The following RAB27A variants were observed in gnomAD, a reference collection of about 807,000 sequenced individuals.
RAB27A encodes the protein ras-related protein Rab-27A.
RAB27A carries 17 observed loss-of-function variants against 20.8 expected under a neutral mutation model. The ratio of observed to expected loss-of-function variants is 0.82; its 90% CI spans 0.56 to 1.23. The LOEUF (loss-of-function observed/expected upper bound fraction) is 1.23, where lower values mean the gene tolerates loss of function less well. RAB27A is among the 50% of genes most tolerant of loss of function. The probability of loss-of-function intolerance (pLI) is 0.00; values close to 1 mark genes in which losing one functional copy is unlikely to be tolerated. For missense variants in RAB27A, 277 were observed against 266.7 expected (o/e 1.04, Z -0.27); for synonymous variants, 85 against 92.8 (o/e 0.92, Z 0.48).
intron 1 of RAB27A, among the ~76,000 whole-genome samples, chr15:55,316,971 CTACAAACACTAT>C (rs2055048198): frequency 6.6e-6 from 1 of 152,188 alleles, no homozygotes; most frequent in Non-Finnish European, 1.5e-5. Context: ...GTTCACATAT[CTACAAACACTAT>C]TGCAAACACC....
chr15:55,242,545 T>A lies in RAB27A; in HGVS notation c.-22-7589A>T, dbSNP rs542380702. 1.1e-4 allele frequency among the ~76,000 whole-genome samples: 16 copies of A among 152,338 alleles called. No homozygotes were observed. The South Asian group carries it at 2.9e-3, about 28-fold the overall frequency. On this transcript the variant is annotated intron_variant, in intron 2 of 6. Coordinates refer to ENST00000336787, the MANE Select transcript of RAB27A (RefSeq NM_183235.3). ...CTAAGTGTTCAATAATTGAGACTTA[T>A]TAAAAATACTATTATTAATAGTTTC...
intron 2 of RAB27A, chr15:55,259,779 T>C (rs1353888425): frequency 6.6e-6 from 1 of 152,232 alleles, no homozygotes; most frequent in African/African-American, 2.4e-5. Context: ...TGCCCAGTGA[T>C]ATGCAATAAA....
At chr15:55,227,180 A>G (rs1895841499) in intron 5 of RAB27A, among the ~76,000 whole-genome samples, 1 of 152,164 alleles carries the variant, frequency 6.6e-6, no homozygotes, top group African/African-American at 2.4e-5. Context: ...TTTTCACATA[A>G]TTTTGTTCTT....
At chr15:55,288,830 AAAG>A (rs1032915145) in intron 1 of RAB27A, 8 of 152,182 alleles carry the variant, frequency 5.3e-5, no homozygotes, top group Non-Finnish European at 1.0e-4. Context: ...GAAAAAAAAA[AAAG>A]AACAAGAACA....
At chr15:55,262,436 G>T (rs1167382390) in intron 2 of RAB27A, among the ~76,000 whole-genome samples, 1 of 151,524 alleles carries the variant, frequency 6.6e-6, no homozygotes, top group Non-Finnish European at 1.5e-5. Flanking sequence ...CAGGTACTCG[G>T]GAGGCTGAGG....
At chr15:55,217,055 A>G (rs186094092) in intron 6 of RAB27A, among the ~76,000 whole-genome samples, 45 of 152,348 alleles carry the variant, frequency 3.0e-4, no homozygotes, top group Admixed American at 2.6e-3. Context: ...AATATTAACA[A>G]GACATACTTT....
chr15:55,232,309 A>G (rs1236104177), intron 3 of RAB27A, among the ~76,000 whole-genome samples: 1 of 152,256 alleles, frequency 6.6e-6, no homozygotes, highest in East Asian at 1.9e-4. Flanking sequence ...ACATAATTAA[A>G]CAAACAGCAA....
intron 6 of RAB27A, among the ~76,000 whole-genome samples, chr15:55,219,772 GTTTTGTTCTCTTCTCCAAC>G (rs1466851764): frequency 6.6e-6 from 1 of 152,090 alleles, no homozygotes; most frequent in East Asian, 1.9e-4. Context: ...ACAACTTTCT[GTTTTGTTCTCTTCTCCAAC>G]TTCATTGACA....
chr15:55,237,208 C>T (rs138630924), intron 2 of RAB27A: 15 of 152,182 alleles, frequency 9.9e-5, no homozygotes, highest in Non-Finnish European at 1.8e-4. Context: ...TCAGTGCTTC[C>T]TGTAGGACTA....
At chr15:55,219,856 A>G (rs1008033180) in intron 6 of RAB27A, among the ~76,000 whole-genome samples, 6 of 152,298 alleles carry the variant, frequency 3.9e-5, no homozygotes, top group Non-Finnish European at 8.8e-5. Flanking sequence ...TTCCAGGAAA[A>G]TTCAATTGGT....
intron 2 of RAB27A, chr15:55,237,507 C>G (rs1313283391): frequency 1.3e-5 from 2 of 152,158 alleles, no homozygotes; most frequent in Non-Finnish European, 1.5e-5. Context: ...GATGCCTTAC[C>G]TGTCTTTATA....
intron 2 of RAB27A, among the ~76,000 whole-genome samples, chr15:55,301,081 C>T (rs1005055276): frequency 2.6e-5 from 4 of 152,130 alleles, no homozygotes; most frequent in Admixed American, 6.6e-5. Context: ...AAAATGCCAC[C>T]GTGACCTTTC....
At position 55,315,572 on chromosome 15, in the gene RAB27A, C is replaced by T. The variant is rs554806507; in HGVS notation, c.-233-1412G>A. On this transcript the variant is annotated intron_variant, in intron 1 of 5. Transcript: ENST00000563262. The stretch of plus-strand genomic sequence containing the variant: ...AAACAAATTTACAAGAAAAAAACAA[C>T]CCCATCAAAAAGTGAGTGAAGGATA... Among the ~76,000 whole-genome samples, 168 of 152,162 alleles carry T rather than the reference C, an allele frequency of 1.1e-3. 1 individual carries two copies. Among genetic ancestry groups the T allele is most frequent in the African/African-American group, 3.8e-3 (158 of 41,506 alleles).
intron 6 of RAB27A, among the ~76,000 whole-genome samples, chr15:55,213,257 G>A (rs898703886): frequency 6.6e-6 from 1 of 152,160 alleles, no homozygotes; most frequent in Non-Finnish European, 1.5e-5. Flanking sequence ...CTTGAAGAAT[G>A]TTTTTGTTTT....
In RAB27A at chr15:55,262,369, G is replaced by A. The variant is rs184672822; in HGVS notation, c.-23+7796C>T. Among the ~76,000 whole-genome samples the A allele has an allele frequency of 6.1e-4, 92 of 151,782 alleles. 1 individual carries two copies. The highest frequency in any genetic ancestry group is 2.1e-3 in the African/African-American group (86 of 41,440). Reference sequence around the variant, plus strand: ...ATCCTGGCTAACACAGTGAAACCTCGTCTCTACTCAAAATACAAAAAAATT... The same window carrying A: ...ATCCTGGCTAACACAGTGAAACCTCATCTCTACTCAAAATACAAAAAAATT... On this transcript the variant is annotated intron_variant, in intron 2 of 6. Transcript: ENST00000336787.
chr15:55,292,844 A>T (rs2054930323), upstream of RAB27A, among the ~76,000 whole-genome samples: 1 of 152,218 alleles, frequency 6.6e-6, no homozygotes, highest in South Asian at 2.1e-4. Flanking sequence ...TAATCTAGAA[A>T]GTGAGCTGAG....
chr15:55,217,193 C>G (rs907513463), intron 6 of RAB27A, among the ~76,000 whole-genome samples: 28 of 152,090 alleles, frequency 1.8e-4, no homozygotes, highest in African/African-American at 6.5e-4. Flanking sequence ...TTAGACTAAT[C>G]ACTCAGAGTT....
At chr15:55,296,509 CA>C (rs576683723) in intron 2 of RAB27A, among the ~76,000 whole-genome samples, 1 of 151,198 alleles carries the variant, frequency 6.6e-6, no homozygotes, top group Non-Finnish European at 1.5e-5. Flanking sequence ...ATCTCAAAAA[CA>C]AAAAAACAAA....
At chr15:55,302,956 G>A (rs1190889771) in intron 2 of RAB27A, among the ~76,000 whole-genome samples, 25 of 125,382 alleles carry the variant, frequency 2.0e-4, no homozygotes, top group Admixed American at 1.3e-3. Flanking sequence ...ATCTCCGCCC[G>A]GCAGCCACCC....
Sources: allele counts gnomAD v4.1 joint callset (sites outside exome capture counted in the v4.1 genomes callset), GRCh38; gene constraint gnomAD v4.1.1; transcripts MANE v1.5; gene names NCBI Gene and HGNC (gene_info 2026-07-23, HGNC 2026-07-21).